Variants in TTC23L observed in about 807,000 individuals in gnomAD.
The protein encoded by TTC23L is tetratricopeptide repeat domain 23 like, also known as tetratricopeptide repeat protein 23-like.
Under a neutral mutation model 48.1 loss-of-function variants are expected in TTC23L, and 42 were observed. The ratio of observed to expected loss-of-function variants is 0.87; its 90% CI spans 0.68 to 1.13. The LOEUF is 1.13. Among genes scored for constraint, TTC23L ranks in the 50% most tolerant of loss-of-function variants. The probability of loss-of-function intolerance (pLI) is 0.00; values close to 1 mark genes in which losing one functional copy is unlikely to be tolerated. For synonymous variants in TTC23L, 159 were observed against 157.2 expected, an observed-to-expected ratio of 1.01 and a Z score of -0.09; for missense variants, 391 against 421.0, an observed-to-expected ratio of 0.93 and a Z score of 0.62.
At chr5:34,896,749 C>T (rs1763248952) in intron 9 of TTC23L, 21 bp from the exon 10 acceptor site, 4 of 769,008 alleles carry the variant, frequency 5.2e-6, no homozygotes, top group Non-Finnish European at 9.7e-6. Context: ...GAGAGGGTGA[C>T]ATTTGAGCCA....
chr5:34,846,018 A>G (rs1314993481), intron 3 of TTC23L, among the ~76,000 whole-genome samples: 1 of 152,064 alleles, frequency 6.6e-6, no homozygotes, highest in Non-Finnish European at 1.5e-5. Context: ...CCCTGTCTCT[A>G]CAAAAAAAAT....
the TTC23L span, chr5:34,922,866 C>A: frequency 7.6e-7 from 1 of 1,316,868 alleles, no homozygotes; most frequent in Non-Finnish European, 1.1e-6. Flanking sequence ...TTCACCCCCA[C>A]CTTGGTTTTA....
At chr5:34,905,021 C>T in the TTC23L span, among the ~76,000 whole-genome samples, 3 of 152,176 alleles carry the variant, frequency 2.0e-5, no homozygotes, top group Non-Finnish European at 2.9e-5. Flanking sequence ...TGCTGATTAT[C>T]GAAATCTCTG....
At chr5:34,909,436 TAAGA>T in the TTC23L span, 1 of 968,518 alleles carries the variant, frequency 1.0e-6, no homozygotes, top group South Asian at 1.5e-5. Flanking sequence ...AACACTTCCT[TAAGA>T]AATTCATACT....
At chr5:34,918,657 A>C in the TTC23L span, 4 of 490,040 alleles carry the variant, frequency 8.2e-6, no homozygotes, top group South Asian at 1.4e-4. Flanking sequence ...TTTAGATTTC[A>C]TTAGGTAGAT....
intron 1 of TTC23L, among the ~76,000 whole-genome samples, chr5:34,840,211 TCTG>T (rs1224133653): frequency 7.8e-6 from 1 of 128,578 alleles, no homozygotes; most frequent in Non-Finnish European, 1.6e-5. Flanking sequence ...TGTACTAGAA[TCTG>T]CTATTAATTA....
At chr5:34,862,014 G>A (rs1392363258) in intron 4 of TTC23L, among the ~76,000 whole-genome samples, 1 of 152,190 alleles carries the variant, frequency 6.6e-6, no homozygotes, top group Non-Finnish European at 1.5e-5. Flanking sequence ...GCATATTTGA[G>A]GGGAACCTGG....
intron 9 of TTC23L, among the ~76,000 whole-genome samples, chr5:34,888,824 G>A (rs921534268): frequency 7.9e-5 from 12 of 152,194 alleles, no homozygotes; most frequent in Admixed American, 5.2e-4. Context: ...AGACAAGGTT[G>A]TTGTTGATCA....
Position 34,867,082 on chromosome 5 carries a change from G to A in TTC23L, c.840+13G>A, listed in dbSNP as rs1481344817. Reference sequence around the variant, plus strand: ...GTACTTGCAGCAGGTCAGTGGGTTGGCCAGAGCCCAGGCTGGGTTGCCTTG... The same window carrying A: ...GTACTTGCAGCAGGTCAGTGGGTTGACCAGAGCCCAGGCTGGGTTGCCTTG... On this transcript the variant is annotated intron_variant, in intron 7 of 10. Transcript: ENST00000505624. 3 of 1,605,380 alleles carry A rather than the reference G, an allele frequency of 1.9e-6. No homozygotes were observed. Among genetic ancestry groups the A allele is most frequent in the Middle Eastern group, 1.7e-4 (1 of 6,056 alleles).
At chr5:34,856,679 A>G (rs1271500369) in intron 4 of TTC23L, among the ~76,000 whole-genome samples, 1 of 152,264 alleles carries the variant, frequency 6.6e-6, no homozygotes, top group Non-Finnish European at 1.5e-5. Flanking sequence ...TTAATGGTAG[A>G]GAACAAAGGA....
intron 9 of TTC23L, 67 bp from the exon 10 acceptor site, chr5:34,896,703 G>A: frequency 4.0e-6 from 3 of 748,622 alleles, no homozygotes; most frequent in Non-Finnish European, 7.5e-6. Flanking sequence ...GCAATGAAAG[G>A]AGAGACAATC....
At chr5:34,922,204 T>G in the TTC23L span, 1 of 1,480,894 alleles carries the variant, frequency 6.8e-7, no homozygotes, top group Admixed American at 1.9e-5. Flanking sequence ...TTCCTATACT[T>G]TGCTTCCTTT....
At chr5:34,923,114 CAT>C in the TTC23L span, 1 of 1,598,634 alleles carries the variant, frequency 6.3e-7, no homozygotes, top group Non-Finnish European at 8.6e-7. Context: ...AAGGAACTAA[CAT>C]ACACTTTTTT....
chr5:34,881,121 T>C (rs1014040282), intron 9 of TTC23L, among the ~76,000 whole-genome samples: 1 of 152,144 alleles, frequency 6.6e-6, no homozygotes, highest in South Asian at 2.1e-4. Flanking sequence ...AGTAAAAAAA[T>C]ATTTTTCTTG....
chr5:34,897,176 G>A (rs1367802430), intron 10 of TTC23L, among the ~76,000 whole-genome samples: 1 of 152,108 alleles, frequency 6.6e-6, no homozygotes, highest in Non-Finnish European at 1.5e-5. Flanking sequence ...TCTGAGCTCA[G>A]GAGTTCGAGA....
chr5:34,874,506 A>T (rs913035094), intron 8 of TTC23L, among the ~76,000 whole-genome samples: 1 of 152,144 alleles, frequency 6.6e-6, no homozygotes, highest in Non-Finnish European at 1.5e-5. Flanking sequence ...AGAGTTTTTT[A>T]AAAAAGTGTA....
intron 8 of TTC23L, chr5:34,869,823 A>G (rs1465532498): frequency 6.6e-6 from 1 of 152,234 alleles, no homozygotes; most frequent in Non-Finnish European, 1.5e-5. Flanking sequence ...ATGTCATTAA[A>G]TAAACATTTT....
At chr5:34,842,010 C>G (rs1198442137) in intron 2 of TTC23L, among the ~76,000 whole-genome samples, 1 of 152,184 alleles carries the variant, frequency 6.6e-6, no homozygotes, top group Non-Finnish European at 1.5e-5. Flanking sequence ...TCTCTAGATG[C>G]TGCCAGATTT....
At chr5:34,922,744 T>C in the TTC23L span, 1 of 1,614,104 alleles carries the variant, frequency 6.2e-7, no homozygotes. Flanking sequence ...TGAAAGGTTC[T>C]CGGCCCCTTT....
Sources: gnomAD v4.1 joint callset for allele counts (sites outside exome capture counted in the v4.1 genomes callset) on GRCh38, gnomAD v4.1.1 for gene constraint, MANE v1.5 for transcripts, NCBI Gene and HGNC (gene_info 2026-07-23, HGNC 2026-07-21) for gene names.